FLNB: variants seen among roughly 807,000 people sequenced by gnomAD.
The protein encoded by FLNB is filamin B.
Under a neutral mutation model 250.6 loss-of-function variants are expected in FLNB, and 111 were observed. The observed-to-expected ratio is 0.44, with a 90% confidence interval of 0.38 to 0.52. FLNB has a LOEUF of 0.52. FLNB is among the 20% of genes least tolerant of loss of function. FLNB has a pLI of 0.00. For missense variants in FLNB, 2,869 were observed against 3,447.8 expected (o/e 0.83, Z 4.20); for synonymous variants, 1,302 against 1,372.1 (o/e 0.95, Z 1.13).
intron 6 of FLNB, among the ~76,000 whole-genome samples, chr3:58,097,485 G>C (rs1398040979): frequency 1.3e-5 from 2 of 152,176 alleles, no homozygotes; most frequent in African/African-American, 4.8e-5. Flanking sequence ...TTTATTCTGA[G>C]GGATAGTGGC....
At position 58,102,334 on chromosome 3, in the gene FLNB, G is replaced by T; in HGVS notation, c.1477G>T (p.Gly493Cys). 6.2e-7 allele frequency: 1 copy of T among 1,611,920 alleles called. No individual in the cohort carries two copies. Among genetic ancestry groups the T allele is most frequent in the Non-Finnish European group, 8.5e-7 (1 of 1,179,212 alleles). The stretch of plus-strand genomic sequence containing the variant: ...TGGGGAGCTCGGTGTAACCATGAAG[G>T]GTCCTAGTAAGTGTTCCTTTGTTTC... ...GSGELGVTMK[G>C]PKGLEELVKQ... is the part of the protein sequence containing the mutation. The change falls in exon 9 of 46, where the codon GGT becomes TGT. Residue 493 changes from glycine (G) to cysteine (C), a missense_variant. Transcript: ENST00000295956.
intron 1 of FLNB, among the ~76,000 whole-genome samples, chr3:58,041,009 T>G (rs1278059347): frequency 6.6e-6 from 1 of 152,206 alleles, no homozygotes; most frequent in Non-Finnish European, 1.5e-5. Context: ...GCTTACTGTG[T>G]GCTAGGTGGC....
Position 58,008,591 on chromosome 3 carries a change from T to A in FLNB, c.27T>A (p.Ala9=), listed in dbSNP as rs749670256. The A allele has an allele frequency of 1.2e-6, 2 of 1,607,424 alleles. No homozygotes were observed. Among genetic ancestry groups the A allele is most frequent in the South Asian group, 2.2e-5 (2 of 90,368 alleles). The change falls in exon 1 of 46, where the codon GCT becomes GCA. Residue 9 remains alanine, a synonymous_variant. Transcript: ENST00000295956. ...TGCCGGTAACCGAGAAGGATCTAGC[T>A]GAGGACGCGCCTTGGAAGAAGATCC... MPVTEKDL[A]EDAPWKKIQQ...
At chr3:58,126,287 T>C (rs1022878449) in intron 23 of FLNB, among the ~76,000 whole-genome samples, 2 of 151,974 alleles carry the variant, frequency 1.3e-5, no homozygotes, top group African/African-American at 4.8e-5. Context: ...GGCTGAGGCA[T>C]GTGAATTGCT....
At chr3:58,097,401 C>T (rs1252771002) in intron 6 of FLNB, among the ~76,000 whole-genome samples, 4 of 152,096 alleles carry the variant, frequency 2.6e-5, no homozygotes, top group African/African-American at 7.2e-5. Context: ...GTCCCAAATC[C>T]ATGTATCTAA....
At chr3:58,154,330 C>T (rs1686022432) in intron 39 of FLNB, among the ~76,000 whole-genome samples, 1 of 152,134 alleles carries the variant, frequency 6.6e-6, no homozygotes. Flanking sequence ...ACTGCCTGAG[C>T]TCAGGAGTTC....
At chr3:58,071,890 C>T (rs1439383556) in intron 1 of FLNB, among the ~76,000 whole-genome samples, 2 of 152,158 alleles carry the variant, frequency 1.3e-5, no homozygotes, top group African/African-American at 4.8e-5. Context: ...ATCTCCTTGA[C>T]CTCTGGGGAA....
chr3:58,170,217 T>C (rs1408788528), intron 45 of FLNB, among the ~76,000 whole-genome samples: 1 of 152,214 alleles, frequency 6.6e-6, no homozygotes, highest in Non-Finnish European at 1.5e-5. Flanking sequence ...AAGATTCTCA[T>C]AGCCAACACT....
Position 58,126,704 on chromosome 3 carries a change from T to A in FLNB, c.4164T>A (p.Ile1388=), listed in dbSNP as rs377650314. 25 of 1,614,032 alleles carry A rather than the reference T, an allele frequency of 1.5e-5. No homozygotes were observed. In the African/African-American group the frequency reaches 3.1e-4, roughly 20 times the overall value. The change falls in exon 24 of 46, where the codon ATT becomes ATA. Residue 1388 remains isoleucine, a synonymous_variant. Coordinates refer to ENST00000295956, the MANE Select transcript of FLNB (RefSeq NM_001457.4). ...NKDGSCSAEY[I]PFAPGDYDVN... ...ATGGCAGCTGCAGTGCTGAGTACAT[T>A]CCTTTCGCACCGGGGGATTACGATG...
chr3:58,064,633 G>A (rs1462377438), intron 1 of FLNB, among the ~76,000 whole-genome samples: 1 of 152,084 alleles, frequency 6.6e-6, no homozygotes, highest in African/African-American at 2.4e-5. Flanking sequence ...ATTCCCTCAA[G>A]GAGTTACCTG....
intron 2 of FLNB, 175 bp from the exon 3 acceptor site, chr3:58,078,542 C>T (rs746899530): frequency 2.0e-6 from 3 of 1,535,700 alleles, no homozygotes; most frequent in Non-Finnish European, 2.6e-6. Flanking sequence ...AGTTTACACC[C>T]TGGCACACTC....
At chr3:58,070,393 G>A (rs895377043) in intron 1 of FLNB, among the ~76,000 whole-genome samples, 2 of 152,150 alleles carry the variant, frequency 1.3e-5, no homozygotes, top group Admixed American at 6.5e-5. Context: ...GCCCTGGGAA[G>A]TAGTTGACCA....
chr3:58,111,308 T>C (rs1327615709), intron 16 of FLNB, among the ~76,000 whole-genome samples: 1 of 152,216 alleles, frequency 6.6e-6, no homozygotes, highest in African/African-American at 2.4e-5. Flanking sequence ...TGCCTAAAGG[T>C]AGTGGTCTTG....
intron 1 of FLNB, among the ~76,000 whole-genome samples, chr3:58,032,871 C>T (rs954286915): frequency 1.3e-5 from 2 of 152,082 alleles, no homozygotes; most frequent in African/African-American, 4.8e-5. Flanking sequence ...AATTCAGGAC[C>T]AGCCTGGGCA....
chr3:58,099,951 C>G (rs554172292), intron 8 of FLNB, among the ~76,000 whole-genome samples: 2 of 152,212 alleles, frequency 1.3e-5, no homozygotes, highest in East Asian at 3.9e-4. Context: ...CAGACTCTAG[C>G]CCCATTTAAT....
intron 1 of FLNB, among the ~76,000 whole-genome samples, chr3:58,021,950 A>AT (rs1420853519): frequency 6.6e-6 from 1 of 151,828 alleles, no homozygotes; most frequent in East Asian, 1.9e-4. Context: ...CTAATTTTGT[A>AT]TTTTTTGTAG....
rs748675082 is a variant in FLNB at position 58,125,882 on chromosome 3, A to G, written c.4061+139A>G. On this transcript the variant is annotated intron_variant, in intron 23 of 45. Coordinates refer to ENST00000295956, the MANE Select transcript of FLNB (RefSeq NM_001457.4). The stretch of plus-strand genomic sequence containing the variant: ...ATTTCCTTCTGTAGAGACTTATGTT[A>G]CATAGAAAGACCAAGCATACCTAAA... The G allele has an allele frequency of 4.9e-5, 39 of 797,764 alleles. 1 individual carries two copies. The highest frequency in any genetic ancestry group is 1.0e-5 in the Non-Finnish European group (5 of 494,706). 49.4% of individuals were successfully genotyped at this position (797,764 alleles called of 1,614,324 possible). A position where few individuals can be genotyped will look rare whatever the true frequency, so the allele number is the denominator to read the frequency against.
intron 1 of FLNB, among the ~76,000 whole-genome samples, chr3:58,075,940 G>C (rs1165766538): frequency 6.6e-6 from 1 of 152,064 alleles, no homozygotes; most frequent in Admixed American, 6.5e-5. Flanking sequence ...GAAGGCAAGG[G>C]CAGGGAAAGT....
In FLNB at chr3:58,094,957, A is replaced by G. The variant is rs750429255; in HGVS notation, c.906+3A>G. On this transcript the variant is annotated splice_donor_region_variant and intron_variant, in intron 5 of 45. Transcript: ENST00000295956. Reference sequence around the variant, plus strand: ...ACCCAGAAGGGAACAAAGAGGAGGTATGTTGGAGGATGCTGCCTCTCCTTT... The same window carrying G: ...ACCCAGAAGGGAACAAAGAGGAGGTGTGTTGGAGGATGCTGCCTCTCCTTT... 10 of 1,604,862 alleles carry G rather than the reference A, an allele frequency of 6.2e-6. No homozygotes were observed. In the Admixed American group the frequency reaches 1.7e-4, roughly 27 times the overall value.
Sources: gnomAD v4.1 joint callset for allele counts (sites outside exome capture counted in the v4.1 genomes callset) on GRCh38, gnomAD v4.1.1 for gene constraint, MANE v1.5 for transcripts, NCBI Gene and HGNC (gene_info 2026-07-23, HGNC 2026-07-21) for gene names.